LRRC37B: variants seen among roughly 807,000 people sequenced by gnomAD.
The protein encoded by LRRC37B is leucine rich repeat containing 37B.
In LRRC37B, 28 loss-of-function variants were observed where a neutral mutation model predicts 98.3. The ratio of observed to expected loss-of-function variants is 0.28; its 90% CI spans 0.21 to 0.39. The LOEUF (loss-of-function observed/expected upper bound fraction) is 0.39. LRRC37B is among the 10% of genes least tolerant of loss of function. LRRC37B has a pLI of 1.00. For synonymous variants in LRRC37B, 364 were observed against 442.7 expected (o/e 0.82, Z 2.23); for missense variants, 938 against 1,182.7 (o/e 0.79, Z 3.03).
intron 1 of LRRC37B, among the ~76,000 whole-genome samples, chr17:32,012,740 G>T (rs572064752): frequency 6.6e-6 from 1 of 151,798 alleles, no homozygotes; most frequent in Non-Finnish European, 1.5e-5. Context: ...ATACAGGCCA[G>T]GTGCGGTGCC....
At chr17:32,022,751 T>C in exon 1 of LRRC37B, 1 of 1,613,978 alleles carries the variant, frequency 6.2e-7, no homozygotes, top group African/African-American at 1.3e-5. Context: ...CATGTGTTGG[T>C]CTCAGCCCAA....
upstream of LRRC37B, among the ~76,000 whole-genome samples, chr17:32,019,806 A>G (rs540975305): frequency 6.6e-6 from 1 of 152,344 alleles, no homozygotes; most frequent in African/African-American, 2.4e-5. Context: ...TCTGATTATA[A>G]CAATAGATCC....
chr17:32,050,344 G>A (rs1158998166), intron 11 of LRRC37B: 3 of 352,902 alleles, frequency 8.5e-6, no homozygotes, highest in Non-Finnish European at 1.6e-5. Context: ...ACTATTTTAA[G>A]AAGTTAAGTT....
At chr17:32,007,628 C>A (rs1205437941), upstream of LRRC37B, among the ~76,000 whole-genome samples, 1 of 151,444 alleles carries the variant, frequency 6.6e-6, no homozygotes, top group African/African-American at 2.4e-5. This position sits in a 1 kb window ranked among gnomAD's most constrained non-coding sequence, Gnocchi z 4.1. Context: ...GCGGGGCAGG[C>A]CGACCAAGCA....
Position 32,021,916 on chromosome 17 carries a change from T to C in LRRC37B, c.851T>C (p.Leu284Pro), listed in dbSNP as rs777042646. 6.8e-6 allele frequency: 11 copies of C among 1,614,038 alleles called. No homozygotes were observed. Among genetic ancestry groups the C allele is most frequent in the Non-Finnish European group, 8.5e-6 (10 of 1,180,032 alleles). Residue 284 changes from leucine (L) to proline (P), a missense_variant, in exon 1 of 12, where the codon CTT becomes CCT. Transcript: ENST00000327564. ...CCAGGGCCTCCTGAGCAAGTTGGACTTTCTCAATTCCATCTAGAGCCCAAA... is the reference window on the plus strand; with the variant it reads ...CCAGGGCCTCCTGAGCAAGTTGGACCTTCTCAATTCCATCTAGAGCCCAAA...
intron 11 of LRRC37B, chr17:32,053,004 C>G: frequency 2.5e-6 from 1 of 403,056 alleles, no homozygotes; most frequent in Non-Finnish European, 4.6e-6. Context: ...GCAGACACTG[C>G]ACCATTATAC....
At chr17:32,034,922 C>T in exon 6 of LRRC37B, 1 of 1,611,640 alleles carries the variant, frequency 6.2e-7, no homozygotes, top group Non-Finnish European at 8.5e-7. Flanking sequence ...TTCTCAATCG[C>T]AATCCTCTGA....
intron 10 of LRRC37B, among the ~76,000 whole-genome samples, chr17:32,049,781 C>T (rs1911694985): frequency 6.6e-6 from 1 of 152,044 alleles, no homozygotes; most frequent in African/African-American, 2.4e-5. Context: ...GTGGGAGGAT[C>T]ACCTGAGCCC....
chr17:32,022,081 T>C (rs765938009), exon 1 of LRRC37B: 6 of 1,613,500 alleles, frequency 3.7e-6, no homozygotes, highest in Middle Eastern at 1.7e-4. Context: ...GAGTCCTCTA[T>C]GGAGAGTCTA....
At chr17:32,022,404 G>T (rs1180301373) in exon 1 of LRRC37B, 1 of 1,613,466 alleles carries the variant, frequency 6.2e-7, no homozygotes, top group Admixed American at 1.7e-5. Context: ...TCAACCTCTG[G>T]ACCTGGAGCT....
exon 1 of LRRC37B, chr17:32,022,494 G>C: frequency 6.2e-7 from 1 of 1,613,172 alleles, no homozygotes; most frequent in Non-Finnish European, 8.5e-7. Context: ...TCCAGACCCG[G>C]GGCTTGCCAT....
At chr17:32,037,447 G>T (rs1363965209) in intron 7 of LRRC37B, among the ~76,000 whole-genome samples, 1 of 151,842 alleles carries the variant, frequency 6.6e-6, no homozygotes, top group Non-Finnish European at 1.5e-5. Context: ...TATATTTTTA[G>T]TAGAGATGGG....
intron 2 of LRRC37B, among the ~76,000 whole-genome samples, chr17:32,027,515 CTGTGTGTGTGCTTGTG>C (rs1367539423): frequency 1.2e-5 from 1 of 86,922 alleles, no homozygotes; most frequent in Non-Finnish European, 2.4e-5. Flanking sequence ...GTGTGCTTGC[CTGTGTGTGTGCTTGTG>C]TGTGTGTGTG....
intron 7 of LRRC37B, chr17:32,041,121 G>T (rs1433308214): frequency 1.3e-6 from 1 of 767,492 alleles, no homozygotes; most frequent in Non-Finnish European, 2.4e-6. Context: ...GCAGATCCTG[G>T]ACGAGCTGGC....
intron 7 of LRRC37B, among the ~76,000 whole-genome samples, chr17:32,038,771 G>A (rs1911322457): frequency 6.6e-6 from 1 of 151,708 alleles, no homozygotes; most frequent in Non-Finnish European, 1.5e-5. Flanking sequence ...GGCACAAGAA[G>A]TGCTTGAACC....
chr17:32,044,716 A>C (rs1911528384), intron 7 of LRRC37B, among the ~76,000 whole-genome samples: 1 of 152,090 alleles, frequency 6.6e-6, no homozygotes, highest in South Asian at 2.1e-4. Flanking sequence ...GTCTCTACTA[A>C]AAATAACAAA....
At chr17:32,021,005 A>G in exon 1 of LRRC37B, 1 of 1,544,576 alleles carries the variant, frequency 6.5e-7, no homozygotes, top group Non-Finnish European at 8.7e-7. Flanking sequence ...GGTAACATGG[A>G]ACAGATCTGG....
intron 1 of LRRC37B, among the ~76,000 whole-genome samples, chr17:32,012,539 A>G (rs748184010): frequency 3.3e-5 from 5 of 151,270 alleles, no homozygotes; most frequent in Non-Finnish European, 7.4e-5. Context: ...CAACATGGCG[A>G]AACCCCGTCT....
chr17:32,008,473 T>C (rs1910461056), intron 1 of LRRC37B, among the ~76,000 whole-genome samples: 1 of 152,244 alleles, frequency 6.6e-6, no homozygotes, highest in Admixed American at 6.5e-5. Context: ...CATTCATTTT[T>C]CTCCCCTTGT....
Sources: gnomAD v4.1 joint callset for allele counts (sites outside exome capture counted in the v4.1 genomes callset) on GRCh38, gnomAD v4.1.1 for gene constraint, Gnocchi (gnomAD v3.1) non-coding constraint, MANE v1.5 for transcripts, NCBI Gene and HGNC (gene_info 2026-07-23, HGNC 2026-07-21) for gene names.